The following GPR161 variants were observed in gnomAD, a reference collection of about 807,000 sequenced individuals.
GPR161 encodes G-protein coupled receptor RE2.
In GPR161, 25 loss-of-function variants were observed where a neutral mutation model predicts 39.2. The ratio of observed to expected loss-of-function variants is 0.64; its 90% CI spans 0.47 to 0.89. The LOEUF is 0.89. GPR161 is among the 40% of genes least tolerant of loss of function. GPR161 has a pLI of 0.00. For synonymous variants in GPR161, 286 were observed against 276.6 expected (o/e 1.03, Z -0.34); for missense variants, 547 against 677.8 (o/e 0.81, Z 2.14).
rs12097632 is a variant in GPR161 at position 168,080,802 on chromosome 1, C to A, written c.*4729G>T. On this transcript the variant is annotated 3_prime_UTR_variant, in exon 6 of 6. Coordinates refer to ENST00000682931, the MANE Select transcript of GPR161 (RefSeq NM_001375883.1). ...ATTTGATCATCTTTGATAGTCATTC[C>A]GGACAAATTAGAATGATTTTATCTT... 8,905 of 152,170 alleles carry A rather than the reference C, an allele frequency of 0.059. 827 individuals are homozygous for A. The highest frequency in any genetic ancestry group is 0.2 in the African/African-American group (8,268 of 41,482). 9.4% of individuals were successfully genotyped at this position (152,170 alleles called of 1,614,324 possible). A position where few individuals can be genotyped will look rare whatever the true frequency, so the allele number is the denominator to read the frequency against.
At chr1:168,137,220 C>G, upstream of GPR161, 1 of 1,463,216 alleles carries the variant, frequency 6.8e-7, no homozygotes, top group Non-Finnish European at 9.0e-7. Flanking sequence ...TAACTCAGGC[C>G]TTCCCTGTTC....
intron 4 of GPR161, chr1:168,088,912 T>C (rs2102104361): frequency 6.6e-6 from 1 of 152,304 alleles, no homozygotes; most frequent in South Asian, 2.1e-4. Flanking sequence ...CCCCTACCTA[T>C]AGCAGCCCAC....
chr1:168,099,488 C>T (rs1350522365), intron 2 of GPR161, among the ~76,000 whole-genome samples: 1 of 152,168 alleles, frequency 6.6e-6, no homozygotes, highest in East Asian at 1.9e-4. Context: ...CTCTGTTTGG[C>T]GGCCATAAAA....
intron 1 of GPR161, among the ~76,000 whole-genome samples, chr1:168,126,300 G>A (rs931723668): frequency 6.6e-6 from 1 of 152,080 alleles, no homozygotes; most frequent in African/African-American, 2.4e-5. Context: ...TTTGAACACC[G>A]TCTATCTCTA....
At chr1:168,129,517 T>C (rs577298288) in intron 1 of GPR161, among the ~76,000 whole-genome samples, 8 of 152,124 alleles carry the variant, frequency 5.3e-5, no homozygotes, top group Middle Eastern at 3.4e-3. Context: ...AAGGGGCAAG[T>C]GTGGAGGCAG....
chr1:168,130,186 G>A (rs773966735), intron 1 of GPR161, among the ~76,000 whole-genome samples: 2 of 152,134 alleles, frequency 1.3e-5, no homozygotes, highest in Non-Finnish European at 2.9e-5. Flanking sequence ...ATTAACTGTC[G>A]GCCTCCTCGA....
Position 168,097,214 on chromosome 1 carries a change from G to A in GPR161, c.393C>T (p.Tyr131=). The A allele has an allele frequency of 6.2e-7, 1 of 1,613,410 alleles. No homozygotes were observed. The highest frequency in any genetic ancestry group is 8.5e-7 in the Non-Finnish European group (1 of 1,179,748). ...IAIDRYYAVL[Y]PMVYPMKITG... The stretch of plus-strand genomic sequence containing the variant: ...TGATCTTCATGGGGTACACCATGGG[G>A]TACAGGACAGCATAGTAGCTAGAAA... Residue 131 remains tyrosine, a synonymous_variant, in exon 3 of 6, where the codon TAC becomes TAT. Transcript: ENST00000682931.
chr1:168,118,518 C>T (rs1697826051), intron 1 of GPR161: 2 of 152,176 alleles, frequency 1.3e-5, no homozygotes, highest in Admixed American at 1.3e-4. Context: ...ATGTACGTTA[C>T]TCCAGTGATG....
chr1:168,137,615 A>G (rs553607183), upstream of GPR161: 212 of 594,960 alleles, frequency 3.6e-4, 2 homozygotes, highest in South Asian at 4.2e-3. Flanking sequence ...CGGGGGACGG[A>G]ACAGTTCCTT....
At position 168,084,984 on chromosome 1, in the gene GPR161, C is replaced by T. The variant is rs915049061; in HGVS notation, c.*547G>A. On this transcript the variant is annotated 3_prime_UTR_variant, in exon 6 of 6. Coordinates refer to ENST00000682931, the MANE Select transcript of GPR161 (RefSeq NM_001375883.1). ...GCTCTGCTCCTGGGTGCTTTCTCTGCGGACCAGTCCTAGAACTGAGGGTCC... is the reference window on the plus strand; with the variant it reads ...GCTCTGCTCCTGGGTGCTTTCTCTGTGGACCAGTCCTAGAACTGAGGGTCC... 1.3e-5 allele frequency: 6 copies of T among 456,350 alleles called. No individual in the cohort carries two copies. Among genetic ancestry groups the T allele is most frequent in the Admixed American group, 4.7e-5 (2 of 42,580 alleles). 28.3% of individuals were successfully genotyped at this position (456,350 alleles called of 1,614,324 possible).
At chr1:168,090,500 C>T (rs370296281) in intron 4 of GPR161, 64 bp downstream of exon 4, 6 of 938,682 alleles carry the variant, frequency 6.4e-6, no homozygotes, top group Non-Finnish European at 1.0e-5. Context: ...GGAAACGCGA[C>T]ACGGGGGAAA....
upstream of GPR161, chr1:168,137,125 C>A: frequency 8.4e-7 from 1 of 1,195,620 alleles, no homozygotes; most frequent in Non-Finnish European, 1.0e-6. Flanking sequence ...CATTTCTTCC[C>A]ACGAACAGCC....
Position 168,136,731 on chromosome 1 carries a change from G to T in GPR161, c.-45+8C>A. 1 of 1,013,650 alleles carries T rather than the reference G, an allele frequency of 9.9e-7. No individual in the cohort carries two copies. The highest frequency in any genetic ancestry group is 1.2e-6 in the Non-Finnish European group (1 of 849,410). The allele number at this position is 1,013,650 out of a possible 1,614,324, so 62.8% of individuals were successfully genotyped here. A position where few individuals can be genotyped will look rare whatever the true frequency, so the allele number is the denominator to read the frequency against. Reference sequence around the variant, plus strand: ...GGCCCGCGCCCGCGCCCCACGCCGGGTGCTCACCGAGGAGCGGCCGCCGCG... The same window carrying T: ...GGCCCGCGCCCGCGCCCCACGCCGGTTGCTCACCGAGGAGCGGCCGCCGCG... On this transcript the variant is annotated splice_region_variant and intron_variant, in intron 1 of 5. Coordinates refer to ENST00000682931, the MANE Select transcript of GPR161 (RefSeq NM_001375883.1).
intron 2 of GPR161, among the ~76,000 whole-genome samples, chr1:168,104,235 CAAT>C (rs1696375479): frequency 6.6e-6 from 1 of 152,156 alleles, no homozygotes. Context: ...GAGGTTTCTA[CAAT>C]GTTTTATTTT....
At chr1:168,122,749 A>C (rs552058650) in intron 1 of GPR161, among the ~76,000 whole-genome samples, 1 of 152,230 alleles carries the variant, frequency 6.6e-6, no homozygotes, top group African/African-American at 2.4e-5. Flanking sequence ...TTTTCAGCAG[A>C]GCCTTCCCCA....
At chr1:168,118,074 G>C (rs907705370) in intron 1 of GPR161, among the ~76,000 whole-genome samples, 7 of 152,166 alleles carry the variant, frequency 4.6e-5, no homozygotes, top group Non-Finnish European at 1.0e-4. Flanking sequence ...CCCTGGATTT[G>C]GCAGTGATTT....
chr1:168,122,752 C>G (rs1698282707), intron 1 of GPR161, among the ~76,000 whole-genome samples: 1 of 152,220 alleles, frequency 6.6e-6, no homozygotes, highest in African/African-American at 2.4e-5. Flanking sequence ...TCAGCAGAGC[C>G]TTCCCCAGCC....
intron 3 of GPR161, among the ~76,000 whole-genome samples, chr1:168,092,878 C>G (rs1468090433): frequency 1.3e-5 from 2 of 152,302 alleles, no homozygotes; most frequent in East Asian, 3.9e-4. Context: ...GGGAAAGGCT[C>G]TATGCCCAGG....
intron 1 of GPR161, chr1:168,134,778 T>C: frequency 1.3e-6 from 1 of 760,474 alleles, no homozygotes; most frequent in Middle Eastern, 3.0e-4. Context: ...CACCTGCAGC[T>C]GCCCCCTTAC....
Sources: allele counts gnomAD v4.1 joint callset (sites outside exome capture counted in the v4.1 genomes callset), GRCh38; gene constraint gnomAD v4.1.1; transcripts MANE v1.5; gene names NCBI Gene and HGNC (gene_info 2026-07-23, HGNC 2026-07-21).